The following CRADD variants were observed in gnomAD, a reference collection of about 807,000 sequenced individuals.
CRADD encodes the protein CARD and death domain containing adaptor protein.
In CRADD, 9 loss-of-function variants were observed where a neutral mutation model predicts 15.5. The ratio of observed to expected loss-of-function variants is 0.58; its 90% confidence interval spans 0.35 to 1.01. The LOEUF is 1.01. CRADD is among the 50% of genes least tolerant of loss of function. The pLI is 0.02. For synonymous variants in CRADD, 118 were observed against 107.6 expected, an observed-to-expected ratio of 1.10 and a Z score of -0.60; for missense variants, 227 against 250.3, an observed-to-expected ratio of 0.91 and a Z score of 0.63.
rs140661156 is a variant in CRADD, at chr12:93,844,583, A to C, written c.299-5387A>C. Among the ~76,000 whole-genome samples, 589 of 152,308 alleles carry C rather than the reference A, an allele frequency of 3.9e-3. 6 individuals are homozygous for C. The highest frequency in any genetic ancestry group is 0.013 in the African/African-American group (559 of 41,572). On this transcript the variant is annotated intron_variant, in intron 2 of 2. Coordinates refer to ENST00000332896, the MANE Select transcript of CRADD (RefSeq NM_003805.5). Reference sequence around the variant, plus strand: ...GTGACCCTGAAAGTGTGGAAGAATCAGAGCAAACTCTGTCCTTACTTCCAA... The same window carrying C: ...GTGACCCTGAAAGTGTGGAAGAATCCGAGCAAACTCTGTCCTTACTTCCAA...
chr12:93,750,049 T>C (rs1289948927), intron 2 of CRADD, among the ~76,000 whole-genome samples: 1 of 152,216 alleles, frequency 6.6e-6, no homozygotes, highest in Non-Finnish European at 1.5e-5. Flanking sequence ...TTCCTGCCCT[T>C]AAGCAGACTA....
At chr12:93,759,781 A>G (rs910533044) in intron 2 of CRADD, among the ~76,000 whole-genome samples, 2 of 152,354 alleles carry the variant, frequency 1.3e-5, no homozygotes, top group South Asian at 2.1e-4. Flanking sequence ...AATACAGGAA[A>G]ATATGTAGCT....
chr12:93,894,341 C>T, exon 3 of CRADD: 2 of 567,578 alleles, frequency 3.5e-6, no homozygotes, highest in South Asian at 2.1e-5. Flanking sequence ...ACCTACAATG[C>T]TCAGATGGCC....
intron 2 of CRADD, among the ~76,000 whole-genome samples, chr12:93,743,140 C>G (rs1200770926): frequency 6.6e-6 from 1 of 152,070 alleles, no homozygotes; most frequent in Non-Finnish European, 1.5e-5. Flanking sequence ...GTAATAGTAA[C>G]TTAACTAGTA....
intron 2 of CRADD, among the ~76,000 whole-genome samples, chr12:93,847,498 GAAAAAAAAAA>G (rs11378030): frequency 3.2e-5 from 2 of 62,934 alleles, no homozygotes; most frequent in African/African-American, 1.2e-4. Context: ...AGCATTGCTT[GAAAAAAAAAA>G]AAAAAAAAAA....
chr12:93,837,937 T>C (rs1957993529), intron 2 of CRADD: 1 of 152,200 alleles, frequency 6.6e-6, no homozygotes, highest in Admixed American at 6.5e-5. Flanking sequence ...CACCCACCTT[T>C]TAATTCAGTG....
At chr12:93,681,727 A>G (rs947552257) in intron 2 of CRADD, among the ~76,000 whole-genome samples, 2 of 151,840 alleles carry the variant, frequency 1.3e-5, no homozygotes, top group Non-Finnish European at 2.9e-5. Flanking sequence ...CTCATTCCCA[A>G]CCCCCACGCA....
At chr12:93,783,228 GTAT>G (rs57260302) in intron 2 of CRADD, among the ~76,000 whole-genome samples, 40,976 of 139,052 alleles carry the variant, frequency 0.29, 6,235 homozygotes, top group Non-Finnish European at 0.33. Context: ...ACAGGTATAG[GTAT>G]TATTATTATT....
intron 2 of CRADD, among the ~76,000 whole-genome samples, chr12:93,695,034 G>A (rs1955667807): frequency 6.6e-6 from 1 of 152,170 alleles, no homozygotes; most frequent in Non-Finnish European, 1.5e-5. Context: ...GAACAGAACT[G>A]GAGGCATCAT....
At chr12:93,678,343 T>TTGG (rs990495976) in intron 1 of CRADD, among the ~76,000 whole-genome samples, 1 of 152,204 alleles carries the variant, frequency 6.6e-6, no homozygotes, top group Non-Finnish European at 1.5e-5. Context: ...AGTTTCTGCC[T>TTGG]TGGTGGTGGT....
At chr12:93,884,539 G>A (rs970542458) in intron 2 of CRADD, among the ~76,000 whole-genome samples, 3 of 152,200 alleles carry the variant, frequency 2.0e-5, no homozygotes, top group Admixed American at 6.5e-5. Context: ...GTGGGGCCTC[G>A]GGAAGTTCAC....
intron 2 of CRADD, among the ~76,000 whole-genome samples, chr12:93,756,822 C>G (rs1052341610): frequency 6.6e-6 from 1 of 152,122 alleles, no homozygotes; most frequent in African/African-American, 2.4e-5. Flanking sequence ...CCAGGCAGTG[C>G]AGGACACACA....
At chr12:93,790,285 C>T (rs1957333219) in intron 2 of CRADD, among the ~76,000 whole-genome samples, 1 of 151,920 alleles carries the variant, frequency 6.6e-6, no homozygotes, top group African/African-American at 2.4e-5. Flanking sequence ...CCCCAAGATA[C>T]TCAGAGATAA....
At chr12:93,688,818 C>T (rs1955497395) in intron 2 of CRADD, among the ~76,000 whole-genome samples, 1 of 152,194 alleles carries the variant, frequency 6.6e-6, no homozygotes, top group South Asian at 2.1e-4. Flanking sequence ...TCAGTTTTCT[C>T]CTCTTCCTAA....
intron 2 of CRADD, among the ~76,000 whole-genome samples, chr12:93,863,345 C>A (rs1002231307): frequency 7.9e-5 from 12 of 152,152 alleles, no homozygotes; most frequent in Admixed American, 6.5e-4. Context: ...CTTCTCATCC[C>A]TTTGCTATCT....
chr12:93,725,682 AT>A (rs1235034881), intron 2 of CRADD, among the ~76,000 whole-genome samples: 5 of 152,220 alleles, frequency 3.3e-5, no homozygotes, highest in Non-Finnish European at 5.9e-5. Context: ...TGCACTGTTA[AT>A]GGAAAGCATT....
chr12:93,722,895 G>A (rs1956290153), intron 2 of CRADD, among the ~76,000 whole-genome samples: 1 of 152,086 alleles, frequency 6.6e-6, no homozygotes, highest in Admixed American at 6.6e-5. Flanking sequence ...TGATAGCTGG[G>A]CATGAATATG....
chr12:93,790,300 G>C (rs1013846760), intron 2 of CRADD, among the ~76,000 whole-genome samples: 4 of 151,946 alleles, frequency 2.6e-5, no homozygotes, highest in African/African-American at 9.7e-5. Flanking sequence ...AGATAAACTT[G>C]AAACTCAACT....
downstream of CRADD, among the ~76,000 whole-genome samples, chr12:93,852,109 G>A (rs1958229636): frequency 6.6e-6 from 1 of 152,222 alleles, no homozygotes; most frequent in Admixed American, 6.5e-5. Context: ...ACTGTGCCCA[G>A]TGATAGACTG....
Sources: allele counts gnomAD v4.1 joint callset (sites outside exome capture counted in the v4.1 genomes callset), GRCh38; gene constraint gnomAD v4.1.1; transcripts MANE v1.5; gene names NCBI Gene and HGNC (gene_info 2026-07-23, HGNC 2026-07-21).